The following AFDN variants were observed in gnomAD, a reference collection of about 807,000 sequenced individuals.
AFDN encodes the protein afadin, adherens junction formation factor, also known as afadin.
In AFDN, 68 loss-of-function variants were observed where a neutral mutation model predicts 216.6. The observed-to-expected ratio is 0.31, with a 90% CI of 0.26 to 0.38. AFDN has a LOEUF of 0.38. Among genes scored for constraint, AFDN ranks in the 10% least tolerant of loss-of-function variants. AFDN has a pLI of 1.00. For missense variants in AFDN, 2,136 were observed against 2,342.0 expected, an observed-to-expected ratio of 0.91 and a Z score of 1.82; for synonymous variants, 868 against 853.7, an observed-to-expected ratio of 1.02 and a Z score of -0.29.
chr6:167,845,143 C>T (rs987420203), intron 1 of AFDN, among the ~76,000 whole-genome samples: 1 of 152,220 alleles, frequency 6.6e-6, no homozygotes, highest in Non-Finnish European at 1.5e-5. Context: ...ATTACAGACA[C>T]GAGCCACTGC....
At chr6:167,947,512 AAG>A (rs1795460234) in intron 27 of AFDN, among the ~76,000 whole-genome samples, 1 of 152,210 alleles carries the variant, frequency 6.6e-6, no homozygotes, top group African/African-American at 2.4e-5. Flanking sequence ...GTTGTTAACA[AAG>A]AGAAGAAGAA....
At chr6:167,908,014 C>T (rs1291507148) in intron 13 of AFDN, among the ~76,000 whole-genome samples, 1 of 152,220 alleles carries the variant, frequency 6.6e-6, no homozygotes, top group Non-Finnish European at 1.5e-5. Flanking sequence ...CACCTCTACC[C>T]CAGAGCTCTG....
At chr6:167,936,085 C>T (rs1220542579) in intron 23 of AFDN, among the ~76,000 whole-genome samples, 1 of 152,078 alleles carries the variant, frequency 6.6e-6, no homozygotes, top group African/African-American at 2.4e-5. Context: ...TTTCAACATG[C>T]AGTCAATATA....
chr6:167,853,182 A>G (rs972981778), intron 1 of AFDN, among the ~76,000 whole-genome samples: 2 of 152,108 alleles, frequency 1.3e-5, no homozygotes, highest in African/African-American at 4.8e-5. Context: ...TTTCCAATTC[A>G]GAATGGCCTT....
chr6:167,888,059 C>T (rs1049756613), intron 6 of AFDN, among the ~76,000 whole-genome samples: 1 of 151,996 alleles, frequency 6.6e-6, no homozygotes. Flanking sequence ...TATATGTCGC[C>T]GAGTGTGAGG....
intron 9 of AFDN, 134 bp from the exon 10 acceptor site, chr6:167,896,744 T>G: frequency 1.8e-6 from 1 of 563,278 alleles, no homozygotes; most frequent in Non-Finnish European, 3.2e-6. Context: ...GTTACATAAG[T>G]TTGGAGAATT....
At chr6:167,903,427 G>C (rs189010336) in intron 12 of AFDN, among the ~76,000 whole-genome samples, 8 of 152,332 alleles carry the variant, frequency 5.3e-5, no homozygotes, top group Admixed American at 5.2e-4. Context: ...TCGTAGTGTT[G>C]TGGGACCTCA....
At chr6:167,950,445 GAC>G (rs751055767) in intron 29 of AFDN, among the ~76,000 whole-genome samples, 1 of 150,252 alleles carries the variant, frequency 6.7e-6, no homozygotes, top group African/African-American at 2.5e-5. Flanking sequence ...GTCTCTCACA[GAC>G]ACACACACAC....
At chr6:167,908,419 A>G (rs1789987470) in intron 13 of AFDN, among the ~76,000 whole-genome samples, 2 of 152,222 alleles carry the variant, frequency 1.3e-5, no homozygotes. Flanking sequence ...ATCTTATTAC[A>G]TGTGATAATA....
At chr6:167,855,453 T>C (rs1473577380) in intron 1 of AFDN, among the ~76,000 whole-genome samples, 1 of 152,088 alleles carries the variant, frequency 6.6e-6, no homozygotes, top group East Asian at 1.9e-4. Context: ...AAAAAGTAGG[T>C]GAGTTCAGAA....
At chr6:167,837,388 T>C (rs1780567360) in intron 1 of AFDN, among the ~76,000 whole-genome samples, 1 of 151,698 alleles carries the variant, frequency 6.6e-6, no homozygotes, top group Non-Finnish European at 1.5e-5. Flanking sequence ...TTCAGGCTTT[T>C]TTTTTTTTTT....
At chr6:167,826,623 T>C, upstream of AFDN, 1 of 510,554 alleles carries the variant, frequency 2.0e-6, no homozygotes, top group East Asian at 5.5e-5. Flanking sequence ...GCACTGCCCA[T>C]TTAGATCCAG....
intron 30 of AFDN, among the ~76,000 whole-genome samples, chr6:167,953,904 A>G (rs1050737557): frequency 6.6e-6 from 1 of 152,304 alleles, no homozygotes; most frequent in East Asian, 1.9e-4. Flanking sequence ...TGAATATACA[A>G]CTGTTGTGTA....
chr6:167,867,244 A>C (rs1784283853), intron 2 of AFDN, among the ~76,000 whole-genome samples: 1 of 152,200 alleles, frequency 6.6e-6, no homozygotes. Context: ...ATTTTGCAAC[A>C]AGAACGATTT....
chr6:167,930,681 A>G (rs563561975), intron 23 of AFDN, among the ~76,000 whole-genome samples: 1 of 152,274 alleles, frequency 6.6e-6, no homozygotes, highest in South Asian at 2.1e-4. Context: ...TTTGCAGGCC[A>G]TGTGGAATCT....
At chr6:167,863,558 G>C (rs1474156658) in intron 1 of AFDN, among the ~76,000 whole-genome samples, 1 of 152,244 alleles carries the variant, frequency 6.6e-6, no homozygotes, top group East Asian at 1.9e-4. Context: ...TGATGGATCA[G>C]ATGTGGAACC....
intron 23 of AFDN, among the ~76,000 whole-genome samples, chr6:167,926,290 C>T (rs73032800): frequency 0.026 from 3,890 of 152,292 alleles, 74 homozygotes; most frequent in Non-Finnish European, 0.033. Context: ...GTCAGCTTTG[C>T]AGCGAACAAG....
chr6:167,916,862 A>C (rs532654021), intron 19 of AFDN, among the ~76,000 whole-genome samples: 15 of 152,302 alleles, frequency 9.8e-5, no homozygotes, highest in African/African-American at 3.1e-4. Flanking sequence ...TTATACATGC[A>C]CGTCATAAAA....
rs780191851 is a variant in AFDN, at chr6:167,889,370, G to GATAT, written c.1009+46_1009+49dup. 6.1e-6 allele frequency: 8 copies of GATAT among 1,302,438 alleles called. No homozygotes were observed. In the East Asian group the frequency reaches 1.8e-4, roughly 30 times the overall value. The allele number at this position is 1,302,438 out of a possible 1,614,324, so 80.7% of individuals were successfully genotyped here. The stretch of plus-strand genomic sequence containing the variant: ...GATTACTTACACCAGATTCCTATGT[G>GATAT]ATATACCAGGTGTTCACCTTATCAC... On this transcript the variant is annotated intron_variant, in intron 7 of 33. Transcript: ENST00000683244.
Sources: gnomAD v4.1 joint callset for allele counts (sites outside exome capture counted in the v4.1 genomes callset) on GRCh38, gnomAD v4.1.1 for gene constraint, MANE v1.5 for transcripts, NCBI Gene and HGNC (gene_info 2026-07-23, HGNC 2026-07-21) for gene names.